Variants in ADAMTSL1 observed in about 807,000 individuals in gnomAD.
ADAMTSL1 encodes ADAMTS-like protein 1.
In ADAMTSL1, 126 loss-of-function variants were observed where a neutral mutation model predicts 201.8. That is an observed-to-expected ratio of 0.62 (90% CI 0.54 to 0.72). The LOEUF (loss-of-function observed/expected upper bound fraction) is 0.72, where lower values mean the gene tolerates loss of function less well. Among genes scored for constraint, ADAMTSL1 ranks in the 30% least tolerant of loss-of-function variants. ADAMTSL1 has a pLI of 0.00. For missense variants in ADAMTSL1, 2,679 were observed against 2,277.8 expected (o/e 1.18, Z -3.59); for synonymous variants, 1,121 against 903.4 (o/e 1.24, Z -4.32).
At chr9:18,524,542 G>A (rs1391290025) in intron 2 of ADAMTSL1, among the ~76,000 whole-genome samples, 1 of 152,102 alleles carries the variant, frequency 6.6e-6, no homozygotes, top group East Asian at 1.9e-4. Context: ...AATGCTTCCA[G>A]TTTTTGCCCA....
chr9:18,881,813 G>C (rs530537292), intron 23 of ADAMTSL1, among the ~76,000 whole-genome samples: 70 of 152,268 alleles, frequency 4.6e-4, no homozygotes, highest in Non-Finnish European at 7.8e-4. Flanking sequence ...CCTGTTAGTT[G>C]CTTCTCCTGG....
At chr9:18,573,906 A>G in intron 3 of ADAMTSL1, 124 bp from the exon 4 acceptor site, 2 of 707,396 alleles carry the variant, frequency 2.8e-6, no homozygotes, top group Non-Finnish European at 2.4e-6. Flanking sequence ...TATAAGTTCC[A>G]TCTATCATGA....
chr9:18,209,185 TTA>T (rs759692313), intron 2 of ADAMTSL1, among the ~76,000 whole-genome samples: 6 of 152,162 alleles, frequency 3.9e-5, no homozygotes, highest in African/African-American at 7.2e-5. Flanking sequence ...GAAATGTTTG[TTA>T]TATGTTTTGC....
At chr9:18,281,068 G>T (rs928793765) in intron 2 of ADAMTSL1, among the ~76,000 whole-genome samples, 1 of 151,938 alleles carries the variant, frequency 6.6e-6, no homozygotes, top group Non-Finnish European at 1.5e-5. Flanking sequence ...TGTAGAGACA[G>T]GTGTTCTGTG....
chr9:18,642,101 G>T (rs950262338), intron 7 of ADAMTSL1, among the ~76,000 whole-genome samples: 1 of 151,910 alleles, frequency 6.6e-6, no homozygotes, highest in Admixed American at 6.6e-5. Context: ...TCAGAAAGTG[G>T]AATAAACCAA....
intron 2 of ADAMTSL1, among the ~76,000 whole-genome samples, chr9:18,300,954 G>C (rs980685801): frequency 6.6e-6 from 1 of 152,064 alleles, no homozygotes; most frequent in African/African-American, 2.4e-5. Context: ...ATTGCCTATA[G>C]GTTCAAAAAA....
intron 1 of ADAMTSL1, among the ~76,000 whole-genome samples, chr9:18,011,484 C>T (rs1820048602): frequency 6.6e-6 from 1 of 151,954 alleles, no homozygotes; most frequent in Non-Finnish European, 1.5e-5. Flanking sequence ...CACGGAACCG[C>T]CCCAGCACTG....
chr9:18,599,128 A>G (rs1289040074), intron 4 of ADAMTSL1, among the ~76,000 whole-genome samples: 1 of 152,190 alleles, frequency 6.6e-6, no homozygotes, highest in Non-Finnish European at 1.5e-5. Flanking sequence ...GCACCCATCC[A>G]TGCAATAGTC....
At chr9:18,699,874 A>C (rs573484) in intron 13 of ADAMTSL1, among the ~76,000 whole-genome samples, 39,159 of 152,126 alleles carry the variant, frequency 0.26, 5,060 homozygotes, top group Admixed American at 0.35. Context: ...ATCTATGAAA[A>C]GAAGTGGTGC....
chr9:18,613,053 C>G (rs1034343052), intron 4 of ADAMTSL1, among the ~76,000 whole-genome samples: 2 of 152,064 alleles, frequency 1.3e-5, no homozygotes, highest in Non-Finnish European at 2.9e-5. Context: ...GGGTAAAGGA[C>G]ATGAACAGGC....
intron 2 of ADAMTSL1, among the ~76,000 whole-genome samples, chr9:18,288,835 A>C (rs1207541767): frequency 6.6e-6 from 1 of 152,224 alleles, no homozygotes; most frequent in Non-Finnish European, 1.5e-5. Flanking sequence ...GTATGATCTA[A>C]ATCAGAAGTT....
intron 2 of ADAMTSL1, among the ~76,000 whole-genome samples, chr9:18,183,522 A>G (rs1390398549): frequency 1.3e-5 from 2 of 152,232 alleles, no homozygotes; most frequent in African/African-American, 2.4e-5. Context: ...AAAACTCAAC[A>G]ATAAACAAAC....
chr9:18,528,620 G>T (rs1159772746), intron 2 of ADAMTSL1, among the ~76,000 whole-genome samples: 1 of 152,056 alleles, frequency 6.6e-6, no homozygotes, highest in Non-Finnish European at 1.5e-5. Context: ...GTGGCCATTT[G>T]GGTTGATTAC....
At chr9:18,887,204 A>T (rs1828952650) in intron 23 of ADAMTSL1, among the ~76,000 whole-genome samples, 1 of 152,222 alleles carries the variant, frequency 6.6e-6, no homozygotes, top group Admixed American at 6.5e-5. Context: ...TTGGGTAGAC[A>T]TTTGAGTTTA....
intron 1 of ADAMTSL1, among the ~76,000 whole-genome samples, chr9:18,010,044 T>C (rs146293635): frequency 6.6e-6 from 1 of 152,160 alleles, no homozygotes; most frequent in East Asian, 1.9e-4. Flanking sequence ...GAATAATGCT[T>C]TCTCATCCCA....
rs541866262 is a variant in ADAMTSL1 at position 17,915,612 on chromosome 9, G to A, written c.87+8690G>A. ...GGAATGGCTGAATAATATAGTAGGT[G>A]TACATTTAACTTTTTAAGAAACTCA... is the stretch of plus-strand genomic sequence containing the variant. On this transcript the variant is annotated intron_variant, in intron 1 of 29. Coordinates refer to the ADAMTSL1 transcript ENST00000680146. 7.2e-5 allele frequency among the ~76,000 whole-genome samples: 11 copies of A among 152,308 alleles called. No homozygotes were observed. In the South Asian group the frequency reaches 2.3e-3, roughly 32 times the overall value.
intron 2 of ADAMTSL1, among the ~76,000 whole-genome samples, chr9:18,365,498 T>C (rs1250904161): frequency 1.3e-5 from 2 of 152,166 alleles, no homozygotes; most frequent in East Asian, 1.9e-4. Flanking sequence ...CAGGTGTTCA[T>C]TTTTTAAAAC....
chr9:18,600,208 G>A (rs1363236410), intron 4 of ADAMTSL1, among the ~76,000 whole-genome samples: 1 of 151,928 alleles, frequency 6.6e-6, no homozygotes, highest in African/African-American at 2.4e-5. Context: ...ATTTCTAAGG[G>A]GAAGGAGAAA....
chr9:18,884,295 G>A (rs1183270055), intron 23 of ADAMTSL1, among the ~76,000 whole-genome samples: 1 of 152,094 alleles, frequency 6.6e-6, no homozygotes, highest in Non-Finnish European at 1.5e-5. Context: ...AATTTTAAGA[G>A]TTCTTTTTAT....
Sources: gnomAD v4.1 joint callset for allele counts (sites outside exome capture counted in the v4.1 genomes callset) on GRCh38, gnomAD v4.1.1 for gene constraint, MANE v1.5 for transcripts, NCBI Gene and HGNC (gene_info 2026-07-23, HGNC 2026-07-21) for gene names.